CACNA1C: variants seen among roughly 807,000 people sequenced by gnomAD.
CACNA1C encodes calcium voltage-gated channel subunit alpha1 C, also known as voltage-dependent L-type calcium channel subunit alpha-1C.
Under a neutral mutation model 229.0 loss-of-function variants are expected in CACNA1C, and 30 were observed. That is an observed-to-expected ratio of 0.13 (90% CI 0.10 to 0.18). The LOEUF (loss-of-function observed/expected upper bound fraction) is 0.18. Ranked by LOEUF, CACNA1C falls within the 10% of genes least tolerant of loss-of-function variation. CACNA1C has a pLI of 1.00. For synonymous variants in CACNA1C, 1,114 were observed against 1,132.5 expected, an observed-to-expected ratio of 0.98 and a Z score of 0.33; for missense variants, 1,658 against 2,845.0, an observed-to-expected ratio of 0.58 and a Z score of 9.49.
intron 5 of CACNA1C, among the ~76,000 whole-genome samples, chr12:2,476,930 G>A (rs573320719): frequency 4.6e-5 from 7 of 152,266 alleles, no homozygotes; most frequent in South Asian, 2.1e-4. Context: ...TTCTTTCCCC[G>A]TTTATAGGAA....
chr12:2,057,257 A>G (rs575616337), intron 1 of CACNA1C, among the ~76,000 whole-genome samples: 1 of 152,300 alleles, frequency 6.6e-6, no homozygotes, highest in South Asian at 2.1e-4. Context: ...TCATCTTGGG[A>G]TCCCTGCTTC....
rs191555650 is a variant in CACNA1C at position 2,098,983 on chromosome 12, C to T, written c.50-16241C>T. Among the ~76,000 whole-genome samples, 11 of 152,228 alleles carry T rather than the reference C, an allele frequency of 7.2e-5. No homozygotes were observed. The East Asian group carries it at 1.5e-3, about 21-fold the overall frequency. ...CACTGCTCACCGTGTGAGGGGCGGC[C>T]GTAGAGCTAGGGCCTGCTTGCTGAA... On this transcript the variant is annotated intron_variant, in intron 1 of 46. Transcript: ENST00000399655.
rs961003045 is a variant in CACNA1C, at chr12:2,512,475, C to A, written c.1218-337C>A. Among the ~76,000 whole-genome samples the A allele has an allele frequency of 8.5e-5, 13 of 152,048 alleles. No homozygotes were observed. The highest frequency in any genetic ancestry group is 2.6e-4 in the Admixed American group (4 of 15,264). Reference sequence around the variant, plus strand: ...TTTTAGTTACTGCTTGGAACGAGTTCCCAGGTCTTCGGAGAACAGTTATTA... The same window carrying A: ...TTTTAGTTACTGCTTGGAACGAGTTACCAGGTCTTCGGAGAACAGTTATTA... On this transcript the variant is annotated intron_variant, in intron 8 of 46. Transcript: ENST00000399655. This position sits in a 1 kb window ranked among gnomAD's most constrained non-coding sequence, Gnocchi z 4.3.
chr12:2,464,643 T>C (rs1440131878), intron 5 of CACNA1C, among the ~76,000 whole-genome samples: 1 of 152,250 alleles, frequency 6.6e-6, no homozygotes, highest in Non-Finnish European at 1.5e-5. Flanking sequence ...ACGTTTTTCC[T>C]AGTATGTGAG....
At position 2,127,518 on chromosome 12, in the gene CACNA1C, C is replaced by T. The variant is rs2090567090; in HGVS notation, c.477+7088C>T. 1.3e-5 allele frequency among the ~76,000 whole-genome samples: 2 copies of T among 152,154 alleles called. 1 individual carries two copies. The highest frequency in any genetic ancestry group is 4.1e-4 in the South Asian group (2 of 4,824). On this transcript the variant is annotated intron_variant, in intron 3 of 46. Coordinates refer to ENST00000399655, the MANE Select transcript of CACNA1C (RefSeq NM_000719.7). ...GCAGAAATGCTAGGGTTATAAAATA[C>T]ACTAATAGATAACTACAAGCAACAA...
chr12:2,508,750 C>CACCT, intron 8 of CACNA1C, among the ~76,000 whole-genome samples: 1 of 152,314 alleles, frequency 6.6e-6, no homozygotes, highest in East Asian at 1.9e-4. Context: ...ACATCCAGAA[C>CACCT]ACCTATTTCT....
intron 13 of CACNA1C, among the ~76,000 whole-genome samples, chr12:2,571,553 A>G (rs1038878327): frequency 6.6e-6 from 1 of 152,178 alleles, no homozygotes; most frequent in African/African-American, 2.4e-5. Flanking sequence ...ATTTTTAATC[A>G]CCAATTTATT....
intron 3 of CACNA1C, among the ~76,000 whole-genome samples, chr12:2,333,588 G>C (rs1265571140): frequency 1.3e-5 from 2 of 152,208 alleles, no homozygotes; most frequent in Non-Finnish European, 2.9e-5. Context: ...CAGTAGCAGT[G>C]GATGCAGCCT....
chr12:2,592,503 G>C (rs2065858403), intron 18 of CACNA1C, among the ~76,000 whole-genome samples: 2 of 152,200 alleles, frequency 1.3e-5, no homozygotes, highest in Admixed American at 6.5e-5. Flanking sequence ...CATTTGAGCA[G>C]CCCAGGATGG....
At chr12:2,093,583 G>T (rs2072409177) in intron 1 of CACNA1C, among the ~76,000 whole-genome samples, 1 of 152,246 alleles carries the variant, frequency 6.6e-6, no homozygotes, top group Non-Finnish European at 1.5e-5. Flanking sequence ...AAGGGTGACT[G>T]TGGGGTCATG....
chr12:2,021,603 C>T (rs1373877566), intron 1 of CACNA1C, among the ~76,000 whole-genome samples: 1 of 151,950 alleles, frequency 6.6e-6, no homozygotes, highest in African/African-American at 2.4e-5. Context: ...TCGCTTGAAC[C>T]CGGGAGGTGG....
intron 3 of CACNA1C, among the ~76,000 whole-genome samples, chr12:2,307,981 T>A (rs934530057): frequency 6.6e-6 from 1 of 152,186 alleles, no homozygotes; most frequent in African/African-American, 2.4e-5. Flanking sequence ...AAGACAAGAA[T>A]CTGCATTTTA....
In CACNA1C at chr12:2,535,292, G is replaced by A. The variant is rs140500036; in HGVS notation, c.1391-14651G>A. Among the ~76,000 whole-genome samples the A allele has an allele frequency of 3.7e-3, 566 of 152,254 alleles. 5 individuals are homozygous for A. The highest frequency in any genetic ancestry group is 0.031 in the Middle Eastern group (9 of 294). On this transcript the variant is annotated intron_variant, in intron 9 of 46. Coordinates refer to ENST00000399655, the MANE Select transcript of CACNA1C (RefSeq NM_000719.7). Reference sequence around the variant, plus strand: ...TAGTCCCAGCTACTTGGGAGGCTGAGGCAGGAGAATGACATGAACCTGGGG... The same window carrying A: ...TAGTCCCAGCTACTTGGGAGGCTGAAGCAGGAGAATGACATGAACCTGGGG...
At chr12:2,092,015 C>T (rs746167843) in intron 1 of CACNA1C, among the ~76,000 whole-genome samples, 4 of 152,180 alleles carry the variant, frequency 2.6e-5, no homozygotes, top group Non-Finnish European at 2.9e-5. Flanking sequence ...GCCATATCCT[C>T]ACCTGCTCTC....
intron 3 of CACNA1C, among the ~76,000 whole-genome samples, chr12:2,214,225 C>T (rs7964581): frequency 0.11 from 16,558 of 152,154 alleles, 2,939 homozygotes; most frequent in African/African-American, 0.38. Flanking sequence ...TTGGATGGTC[C>T]TTAAGTTGGC....
rs1343504783 is a variant in CACNA1C, at chr12:2,608,829, C to G, written c.3558+117C>G. ...GGCCGTGCAGATACTGAGATCGTCT[C>G]TCTATTCCTCAACCAGAGTGGGCTG... On this transcript the variant is annotated intron_variant, in intron 27 of 46. Coordinates refer to ENST00000399655, the MANE Select transcript of CACNA1C (RefSeq NM_000719.7). This position sits in a 1 kb window ranked among gnomAD's most constrained non-coding sequence, Gnocchi z 4.2. The G allele has an allele frequency of 2.0e-6, 2 of 979,724 alleles. No individual in the cohort carries two copies. The highest frequency in any genetic ancestry group is 3.0e-6 in the Non-Finnish European group (2 of 656,564). The allele number at this position is 979,724 out of a possible 1,614,324, so 60.7% of individuals were successfully genotyped here.
chr12:1,976,744 T>C (rs887092324), intron 1 of CACNA1C, among the ~76,000 whole-genome samples: 2 of 151,858 alleles, frequency 1.3e-5, no homozygotes, highest in African/African-American at 4.8e-5. Context: ...CAAAATGTCA[T>C]GTATATATGC....
intron 21 of CACNA1C, among the ~76,000 whole-genome samples, chr12:2,599,004 C>T (rs1005632024): frequency 3.3e-5 from 5 of 152,186 alleles, no homozygotes; most frequent in Admixed American, 6.5e-5. Context: ...CTTTGCTTCC[C>T]GGACTTCAGA....
At chr12:2,118,022 A>G (rs2084788836) in intron 2 of CACNA1C, among the ~76,000 whole-genome samples, 1 of 152,252 alleles carries the variant, frequency 6.6e-6, no homozygotes, top group Non-Finnish European at 1.5e-5. Context: ...GACACAGAGC[A>G]CTTCCCAGGG....
Sources: allele counts gnomAD v4.1 joint callset (sites outside exome capture counted in the v4.1 genomes callset), GRCh38; gene constraint gnomAD v4.1.1; non-coding constraint Gnocchi (gnomAD v3.1); transcripts MANE v1.5; gene names NCBI Gene and HGNC (gene_info 2026-07-23, HGNC 2026-07-21).